CFAP97D2: variants seen among roughly 807,000 people sequenced by gnomAD.
CFAP97D2 encodes uncharacterized protein CFAP97D2.
intron 1 of CFAP97D2, among the ~76,000 whole-genome samples, chr13:114,192,308 G>A (rs1383417409): frequency 3.3e-5 from 5 of 152,172 alleles, no homozygotes; most frequent in African/African-American, 1.2e-4. Context: ...GATAATGGGG[G>A]AGGTTATGCA....
chr13:114,211,931 G>C lies in CFAP97D2; in HGVS notation c.310G>C (p.Glu104Gln), dbSNP rs1470621829. 1 of 398,764 alleles carries C rather than the reference G, an allele frequency of 2.5e-6. No homozygotes were observed. Among genetic ancestry groups the C allele is most frequent in the Non-Finnish European group, 4.4e-6 (1 of 226,142 alleles). The allele number at this position is 398,764 out of a possible 1,614,324, so 24.7% of individuals were successfully genotyped here. A position where few individuals can be genotyped will look rare whatever the true frequency, so the allele number is the denominator to read the frequency against. ...GTGGAGTCTGCACAGGGGGAAGAGAGAACAGGAACTTCGCAGAGTGCGGAA... is the reference window on the plus strand; with the variant it reads ...GTGGAGTCTGCACAGGGGGAAGAGACAACAGGAACTTCGCAGAGTGCGGAA... Residue 104 changes from glutamate (E) to glutamine (Q), a missense_variant, in exon 4 of 5, where the codon GAA (glutamate) becomes CAA (glutamine). Physicochemically the swap from Glu to Gln is conservative, Grantham distance 29. Coordinates refer to ENST00000646158, the Ensembl canonical transcript of CFAP97D2. This position sits in a 1 kb window ranked among gnomAD's most constrained non-coding sequence, Gnocchi z 4.2.
intron 4 of CFAP97D2, among the ~76,000 whole-genome samples, chr13:114,213,309 G>A (rs1279399913): frequency 7.3e-6 from 1 of 137,870 alleles, no homozygotes; most frequent in East Asian, 2.2e-4. Context: ...CCCACCCCTG[G>A]ACAAGCTCAA....
At chr13:114,217,842 CTCTCAATAAAT>C (rs2081002581) in intron 4 of CFAP97D2, among the ~76,000 whole-genome samples, 1 of 152,184 alleles carries the variant, frequency 6.6e-6, no homozygotes, top group African/African-American at 2.4e-5. Context: ...ATGCTAAAAA[CTCTCAATAAAT>C]TCGGTATTGA....
chr13:114,211,128 C>A lies in CFAP97D2; in HGVS notation c.291-784C>A, dbSNP rs541821416. Among the ~76,000 whole-genome samples the A allele has an allele frequency of 2.6e-5, 4 of 152,306 alleles. No homozygotes were observed. In the South Asian group the frequency reaches 8.3e-4, roughly 32 times the overall value. ...TCCCTAGTTCACCAAACTCTCAGCC[C>A]TAACCCTGGTGGGTTCTTTACTTCG... On this transcript the variant is annotated intron_variant, in intron 3 of 4. Transcript: ENST00000646158. This position sits in a 1 kb window ranked among gnomAD's most constrained non-coding sequence, Gnocchi z 4.2.
rs890712461 is a variant in CFAP97D2, at chr13:114,211,637, T to G, written c.291-275T>G. ...CCACGCTCAGGAAGCACCGGGAGAC[T>G]TCCCCGCTGTGCCCCATTGTGCTCA... On this transcript the variant is annotated intron_variant, in intron 3 of 4. Transcript: ENST00000646158. The surrounding 1 kb of genome is among the most constrained non-coding windows in gnomAD (Gnocchi z 4.2). 6.6e-6 allele frequency among the ~76,000 whole-genome samples: 1 copy of G among 152,164 alleles called. No homozygotes were observed. Among genetic ancestry groups the G allele is most frequent in the African/African-American group, 2.4e-5 (1 of 41,440 alleles).
At position 114,207,596 on chromosome 13, in the gene CFAP97D2, T is replaced by G. The variant is rs2080947044; in HGVS notation, c.291-4316T>G. On this transcript the variant is annotated intron_variant, in intron 3 of 4. Coordinates refer to ENST00000646158, the Ensembl canonical transcript of CFAP97D2. This position sits in a 1 kb window ranked among gnomAD's most constrained non-coding sequence, Gnocchi z 4.9. ...ACAGGAGGTGGAGCTCAGGCAGTAA[T>G]GCCAGCAATGGGGAGTGGCTGTGAA... 6.6e-6 allele frequency among the ~76,000 whole-genome samples: 1 copy of G among 152,230 alleles called. No homozygotes were observed. The highest frequency in any genetic ancestry group is 2.1e-4 in the South Asian group (1 of 4,834).
intron 2 of CFAP97D2, among the ~76,000 whole-genome samples, chr13:114,196,846 G>A (rs1422567037): frequency 6.6e-6 from 1 of 152,336 alleles, no homozygotes; most frequent in Non-Finnish European, 1.5e-5. Context: ...GACTTGAGAC[G>A]TCAATCAATA....
At chr13:114,216,278 T>A (rs1166814396) in intron 4 of CFAP97D2, among the ~76,000 whole-genome samples, 1 of 152,176 alleles carries the variant, frequency 6.6e-6, no homozygotes, top group African/African-American at 2.4e-5. Flanking sequence ...TCAGACATCA[T>A]TTTATTTTTT....
intron 4 of CFAP97D2, among the ~76,000 whole-genome samples, chr13:114,215,351 GTCATAAGTATC>G (rs1566617039): frequency 1.3e-5 from 2 of 152,118 alleles, no homozygotes; most frequent in Admixed American, 6.6e-5. Flanking sequence ...TATTATCAAT[GTCATAAGTATC>G]TCTTCCACAT....
chr13:114,212,745 G>A (rs866198460), intron 4 of CFAP97D2, among the ~76,000 whole-genome samples: 4 of 152,256 alleles, frequency 2.6e-5, no homozygotes, highest in East Asian at 1.9e-4. Context: ...CCAGCTACTC[G>A]GGAGGCTGAG....
Position 114,207,815 on chromosome 13 carries a change from A to G in CFAP97D2, c.291-4097A>G, listed in dbSNP as rs1021308455. ...CCAACTAGACTTTGTCACCACCACC[A>G]TTTTTTTCCCTAGAGAGGCTATGTG... On this transcript the variant is annotated intron_variant, in intron 3 of 4. Coordinates refer to ENST00000646158, the Ensembl canonical transcript of CFAP97D2. This position sits in a 1 kb window ranked among gnomAD's most constrained non-coding sequence, Gnocchi z 4.9. 9.9e-5 allele frequency among the ~76,000 whole-genome samples: 15 copies of G among 152,084 alleles called. No homozygotes were observed. The highest frequency in any genetic ancestry group is 3.4e-4 in the African/African-American group (14 of 41,452).
intron 3 of CFAP97D2, among the ~76,000 whole-genome samples, chr13:114,210,492 C>A (rs1267632654): frequency 1.3e-5 from 2 of 152,162 alleles, no homozygotes; most frequent in African/African-American, 2.4e-5. Context: ...AGCATCCTTG[C>A]CCCTCCTGGT....
At position 114,207,335 on chromosome 13, in the gene CFAP97D2, A is replaced by G. The variant is rs1433411289; in HGVS notation, c.291-4577A>G. ...AGGGGTCCCGTTCTTGTGAAGCTTG[A>G]TATTACATTGTAATATAGAATGAAG... On this transcript the variant is annotated intron_variant, in intron 3 of 4. Coordinates refer to ENST00000646158, the Ensembl canonical transcript of CFAP97D2. The surrounding 1 kb of genome is among the most constrained non-coding windows in gnomAD (Gnocchi z 4.9). 6.6e-6 allele frequency among the ~76,000 whole-genome samples: 1 copy of G among 152,178 alleles called. No individual in the cohort carries two copies. The highest frequency in any genetic ancestry group is 1.5e-5 in the Non-Finnish European group (1 of 68,034).
intron 1 of CFAP97D2, among the ~76,000 whole-genome samples, chr13:114,181,825 G>T (rs1427368746): frequency 1.3e-5 from 2 of 151,924 alleles, no homozygotes; most frequent in East Asian, 3.9e-4. Flanking sequence ...CTCATCCTCA[G>T]CCCAGCCTTC....
chr13:114,206,105 T>C (rs1299526568), intron 3 of CFAP97D2, among the ~76,000 whole-genome samples: 1 of 87,366 alleles, frequency 1.1e-5, no homozygotes, highest in Middle Eastern at 6.3e-3. Context: ...TTTCTTTTCC[T>C]TTTTTTTTTT....
At position 114,203,448 on chromosome 13, in the gene CFAP97D2, T is replaced by A. The variant is rs2080927095; in HGVS notation, c.290+3005T>A. ...TGGAAAAATATCCCACGTGTATGGA[T>A]TCAGAAGTCTTGCTATATTAAGATG... On this transcript the variant is annotated intron_variant, in intron 3 of 4. Coordinates refer to ENST00000646158, the Ensembl canonical transcript of CFAP97D2. This position sits in a 1 kb window ranked among gnomAD's most constrained non-coding sequence, Gnocchi z 4.3. Among the ~76,000 whole-genome samples, 4 of 152,196 alleles carry A rather than the reference T, an allele frequency of 2.6e-5. No individual in the cohort carries two copies. The South Asian group carries it at 6.2e-4, about 24-fold the overall frequency.
At chr13:114,197,557 G>T (rs1191698297) in intron 2 of CFAP97D2, among the ~76,000 whole-genome samples, 1 of 152,132 alleles carries the variant, frequency 6.6e-6, no homozygotes, top group Non-Finnish European at 1.5e-5. Context: ...TGGTTTACAT[G>T]ACCCATCATG....
chr13:114,182,432 T>C (rs539418847), intron 1 of CFAP97D2, among the ~76,000 whole-genome samples: 1,682 of 152,068 alleles, frequency 0.011, 35 homozygotes, highest in African/African-American at 0.038. Context: ...GGCCTTCCTC[T>C]ATCTCAACTG....
chr13:114,200,179 C>G (rs1471726824), intron 2 of CFAP97D2, 146 bp from the exon 3 acceptor site: 1 of 391,188 alleles, frequency 2.6e-6, no homozygotes, highest in Non-Finnish European at 4.5e-6. Context: ...CCTGTGTGTT[C>G]GGTCCCCGCT....
Sources: gnomAD v4.1 joint callset for allele counts (sites outside exome capture counted in the v4.1 genomes callset) on GRCh38, gnomAD v4.1.1 for gene constraint, Gnocchi (gnomAD v3.1) non-coding constraint, MANE v1.5 for transcripts, NCBI Gene and HGNC (gene_info 2026-07-23, HGNC 2026-07-21) for gene names.